Variants in CLSTN2 observed in about 807,000 individuals in gnomAD.
CLSTN2 encodes the protein calsyntenin 2.
Under a neutral mutation model 101.2 loss-of-function variants are expected in CLSTN2, and 48 were observed. The ratio of observed to expected loss-of-function variants is 0.47; its 90% CI spans 0.38 to 0.60. CLSTN2 has a LOEUF of 0.60. Among genes scored for constraint, CLSTN2 ranks in the 20% least tolerant of loss-of-function variants. The probability of loss-of-function intolerance (pLI) is 0.00; values close to 1 mark genes in which losing one functional copy is unlikely to be tolerated. For synonymous variants in CLSTN2, 481 were observed against 463.6 expected (o/e 1.04, Z -0.48); for missense variants, 1,160 against 1,238.2 (o/e 0.94, Z 0.95).
intron 5 of CLSTN2, among the ~76,000 whole-genome samples, chr3:140,438,767 A>T (rs2088714251): frequency 6.6e-6 from 1 of 152,192 alleles, no homozygotes; most frequent in Non-Finnish European, 1.5e-5. Context: ...GAATTCATTG[A>T]TCTTAGAAGG....
chr3:140,044,071 C>T (rs1466301605), intron 1 of CLSTN2, among the ~76,000 whole-genome samples: 1 of 152,148 alleles, frequency 6.6e-6, no homozygotes, highest in Non-Finnish European at 1.5e-5. Context: ...TGAAGAAAGT[C>T]ATTGGTAGCT....
At chr3:140,281,465 G>A (rs138266828) in intron 2 of CLSTN2, among the ~76,000 whole-genome samples, 1,551 of 152,278 alleles carry the variant, frequency 0.01, 36 homozygotes, top group African/African-American at 0.035. Flanking sequence ...CTCACTTATG[G>A]TGGAGCAGGA....
intron 8 of CLSTN2, among the ~76,000 whole-genome samples, chr3:140,497,004 G>A (rs1028989618): frequency 6.6e-6 from 1 of 151,882 alleles, no homozygotes; most frequent in African/African-American, 2.4e-5. Flanking sequence ...GGGAGGCTGA[G>A]GCAGCAGAAT....
At chr3:140,045,241 T>C (rs542153144) in intron 1 of CLSTN2, among the ~76,000 whole-genome samples, 6 of 152,348 alleles carry the variant, frequency 3.9e-5, no homozygotes, top group African/African-American at 1.2e-4. Flanking sequence ...ATTCAAGTTC[T>C]TCCTGGTTTA....
chr3:140,253,850 C>T (rs1411060074), intron 2 of CLSTN2, among the ~76,000 whole-genome samples: 5 of 151,812 alleles, frequency 3.3e-5, no homozygotes, highest in Non-Finnish European at 7.4e-5. Context: ...TTGTGGGATT[C>T]CTTGATTGAG....
chr3:140,357,257 C>T (rs988378006), intron 2 of CLSTN2, among the ~76,000 whole-genome samples: 1 of 151,974 alleles, frequency 6.6e-6, no homozygotes, highest in Admixed American at 6.5e-5. Context: ...TCATTATAGC[C>T]CACGAATCTT....
chr3:140,290,274 T>G (rs1352267178), intron 2 of CLSTN2, among the ~76,000 whole-genome samples: 2 of 152,114 alleles, frequency 1.3e-5, no homozygotes, highest in African/African-American at 4.8e-5. Context: ...CACTGAGCCC[T>G]GGGGTGAGGG....
chr3:140,543,612 C>T (rs997803374), intron 9 of CLSTN2, among the ~76,000 whole-genome samples: 3 of 152,222 alleles, frequency 2.0e-5, no homozygotes, highest in Admixed American at 2.0e-4. Context: ...CTGCTCTTCC[C>T]TGCTGGGGCT....
At chr3:140,309,003 T>C (rs1274686023) in intron 2 of CLSTN2, among the ~76,000 whole-genome samples, 1 of 152,242 alleles carries the variant, frequency 6.6e-6, no homozygotes, top group Non-Finnish European at 1.5e-5. Flanking sequence ...TAAGCCATGG[T>C]TTCATCAGTT....
intron 2 of CLSTN2, among the ~76,000 whole-genome samples, chr3:140,242,200 C>T (rs1051636335): frequency 1.7e-4 from 26 of 152,128 alleles, no homozygotes; most frequent in Non-Finnish European, 3.1e-4. Context: ...GTGTGAGCCA[C>T]TGCACCCAGC....
chr3:140,266,458 C>T (rs773267711), intron 2 of CLSTN2, among the ~76,000 whole-genome samples: 1 of 152,142 alleles, frequency 6.6e-6, no homozygotes, highest in Non-Finnish European at 1.5e-5. Flanking sequence ...TTAAGGAATG[C>T]CTTGCTTCAC....
chr3:140,121,636 T>G (rs1023604134), intron 1 of CLSTN2, among the ~76,000 whole-genome samples: 1 of 151,966 alleles, frequency 6.6e-6, no homozygotes, highest in Non-Finnish European at 1.5e-5. Context: ...GGTGCTGGAG[T>G]CTCCTCACCT....
At chr3:140,127,600 G>A (rs549561472) in intron 1 of CLSTN2, among the ~76,000 whole-genome samples, 5 of 152,088 alleles carry the variant, frequency 3.3e-5, no homozygotes, top group Non-Finnish European at 5.9e-5. Context: ...GGGATGAGGC[G>A]GCTGTCAGGA....
At chr3:140,527,981 T>G (rs997642012) in intron 8 of CLSTN2, among the ~76,000 whole-genome samples, 2 of 152,218 alleles carry the variant, frequency 1.3e-5, no homozygotes, top group African/African-American at 2.4e-5. Flanking sequence ...GCTTGGGTAG[T>G]ACTTGTGTGA....
intron 8 of CLSTN2, among the ~76,000 whole-genome samples, chr3:140,489,947 T>C (rs1246389776): frequency 1.4e-5 from 2 of 146,230 alleles, no homozygotes; most frequent in African/African-American, 5.1e-5. Context: ...CGTTAGTCTA[T>C]AGGAGTGAGC....
At chr3:140,048,275 G>A (rs1041311294) in intron 1 of CLSTN2, among the ~76,000 whole-genome samples, 1 of 152,182 alleles carries the variant, frequency 6.6e-6, no homozygotes, top group Non-Finnish European at 1.5e-5. Context: ...TACCACAGTT[G>A]TGCATGGACC....
intron 2 of CLSTN2, among the ~76,000 whole-genome samples, chr3:140,284,088 C>T (rs2086872890): frequency 6.6e-6 from 1 of 152,134 alleles, no homozygotes; most frequent in African/African-American, 2.4e-5. Context: ...ATAAAATTGT[C>T]ATCCAAAAGA....
At chr3:140,184,433 G>A (rs2010456118) in intron 2 of CLSTN2, among the ~76,000 whole-genome samples, 2 of 152,096 alleles carry the variant, frequency 1.3e-5, no homozygotes. Flanking sequence ...AGGAGGAAGA[G>A]CCCCTTATGA....
At chr3:140,426,737 C>A (rs1394555546) in intron 5 of CLSTN2, among the ~76,000 whole-genome samples, 1 of 152,154 alleles carries the variant, frequency 6.6e-6, no homozygotes, top group Non-Finnish European at 1.5e-5. Flanking sequence ...TGGGGCCCAG[C>A]AAGAAAGAAT....
Sources: allele counts gnomAD v4.1 joint callset (sites outside exome capture counted in the v4.1 genomes callset), GRCh38; gene constraint gnomAD v4.1.1; transcripts MANE v1.5; gene names NCBI Gene and HGNC (gene_info 2026-07-23, HGNC 2026-07-21).